The following TSNARE1 variants were observed in gnomAD, a reference collection of about 807,000 sequenced individuals.
TSNARE1 encodes the protein t-SNARE domain-containing protein 1.
In TSNARE1, 49 loss-of-function variants were observed where a neutral mutation model predicts 62.0. The ratio of observed to expected loss-of-function variants is 0.79; its 90% CI spans 0.63 to 1.00. The LOEUF is 1.00. Among genes scored for constraint, TSNARE1 ranks in the 50% least tolerant of loss-of-function variants. The probability of loss-of-function intolerance (pLI) is 0.00; values close to 1 mark genes in which losing one functional copy is unlikely to be tolerated. For missense variants in TSNARE1, 755 were observed against 700.1 expected, an observed-to-expected ratio of 1.08 and a Z score of -0.88; for synonymous variants, 328 against 294.4, an observed-to-expected ratio of 1.11 and a Z score of -1.17.
intron 11 of TSNARE1, among the ~76,000 whole-genome samples, chr8:142,280,921 G>A (rs1272520969): frequency 7.2e-5 from 11 of 152,182 alleles, no homozygotes; most frequent in Middle Eastern, 3.2e-3. Context: ...GCAGCTTGAA[G>A]CCCAGGCTCC....
chr8:142,320,216 G>A (rs1829275383), intron 6 of TSNARE1, among the ~76,000 whole-genome samples: 1 of 152,188 alleles, frequency 6.6e-6, no homozygotes, highest in South Asian at 2.1e-4. Context: ...TTCAGATCTT[G>A]CCAGTCCAAA....
At chr8:142,313,084 C>A (rs960597166) in intron 9 of TSNARE1, among the ~76,000 whole-genome samples, 3 of 151,708 alleles carry the variant, frequency 2.0e-5, no homozygotes, top group African/African-American at 7.3e-5. Context: ...CTGTGTTTAT[C>A]TGCATCTCTT....
At chr8:142,318,377 C>G (rs1172908065) in intron 7 of TSNARE1, among the ~76,000 whole-genome samples, 167 bp downstream of exon 7, 1 of 152,224 alleles carries the variant, frequency 6.6e-6, no homozygotes, top group Admixed American at 6.5e-5. Flanking sequence ...TGGCTGCACA[C>G]AGGTTCTGAG....
intron 11 of TSNARE1, among the ~76,000 whole-genome samples, chr8:142,283,222 A>G (rs71516683): frequency 0.3 from 27,713 of 91,320 alleles, 4,152 homozygotes; most frequent in African/African-American, 0.44. Context: ...CAAAAGCGGG[A>G]TCAGTGTCTG....
chr8:142,234,074 C>T (rs1481404841), intron 12 of TSNARE1, among the ~76,000 whole-genome samples: 1 of 152,184 alleles, frequency 6.6e-6, no homozygotes, highest in African/African-American at 2.4e-5. Context: ...AACAAGTGAC[C>T]CCAATCATGG....
intron 12 of TSNARE1, chr8:142,247,676 T>C (rs1817953565): frequency 3.3e-5 from 5 of 152,262 alleles, no homozygotes; most frequent in African/African-American, 1.2e-4. Flanking sequence ...AGCTCTGACC[T>C]GCTCTGTTTC....
chr8:142,275,753 C>T (rs1039820616), intron 11 of TSNARE1: 81 of 985,324 alleles, frequency 8.2e-5, no homozygotes, highest in Non-Finnish European at 9.5e-5. Flanking sequence ...CCTGCAGTGC[C>T]TACCAGGGCA....
chr8:142,338,646 C>G (rs1412377178), intron 4 of TSNARE1, among the ~76,000 whole-genome samples: 2 of 152,258 alleles, frequency 1.3e-5, no homozygotes, highest in African/African-American at 4.8e-5. Context: ...TGCCACCAGG[C>G]ATGACACTGG....
At position 142,318,588 on chromosome 8, in the gene TSNARE1, T is replaced by C; in HGVS notation, c.940A>G (p.Ser314Gly). 1.2e-6 allele frequency: 2 copies of C among 1,613,714 alleles called. No individual in the cohort carries two copies. Among genetic ancestry groups the C allele is most frequent in the Non-Finnish European group, 8.5e-7 (1 of 1,179,976 alleles). Residue 314 changes from serine to glycine, a missense_variant, in exon 7 of 14, where the codon AGC (serine) becomes GGC (glycine). Ser to Gly is a moderately conservative substitution (Grantham distance 56, BLOSUM62 0). Coordinates refer to ENST00000524325, the MANE Select transcript of TSNARE1 (RefSeq NM_145003.5). ...ETNKTIAASASSVKQMAELLR... is the reference protein window; with the variant it reads ...ETNKTIAASAGSVKQMAELLR... Reference sequence around the variant, plus strand: ...AGCTCGGCCATCTGCTTCACGGAGCTGGCGCTGGCTGCAATGGTCTTGTTG... The same window carrying C: ...AGCTCGGCCATCTGCTTCACGGAGCCGGCGCTGGCTGCAATGGTCTTGTTG...
intron 9 of TSNARE1, among the ~76,000 whole-genome samples, chr8:142,305,083 G>A (rs1031111941): frequency 6.6e-6 from 1 of 152,222 alleles, no homozygotes; most frequent in Non-Finnish European, 1.5e-5. Context: ...ACAGGCGAGG[G>A]GGCTGGAGGA....
At chr8:142,257,721 G>A (rs1447241480) in intron 12 of TSNARE1, among the ~76,000 whole-genome samples, 4 of 152,042 alleles carry the variant, frequency 2.6e-5, no homozygotes. Context: ...CCAGGGGTGG[G>A]AGGCCTGGCC....
chr8:142,338,389 A>G (rs974254685), intron 4 of TSNARE1, among the ~76,000 whole-genome samples: 1 of 152,222 alleles, frequency 6.6e-6, no homozygotes. Flanking sequence ...TCCCCAGGGC[A>G]GGAGCTTGAG....
At chr8:142,365,641 G>C (rs1236278215) in intron 1 of TSNARE1, among the ~76,000 whole-genome samples, 18 of 137,744 alleles carry the variant, frequency 1.3e-4, no homozygotes, top group South Asian at 1.2e-3. Flanking sequence ...CACAGAGAGA[G>C]AGAGGGGAAC....
chr8:142,283,548 T>C (rs1586531708), intron 11 of TSNARE1, among the ~76,000 whole-genome samples: 1 of 125,738 alleles, frequency 8.0e-6, no homozygotes, highest in Non-Finnish European at 1.6e-5. Flanking sequence ...CCAGTGTCTG[T>C]CAATGAGCAG....
At chr8:142,342,220 G>A (rs1235705717) in intron 4 of TSNARE1, among the ~76,000 whole-genome samples, 1 of 152,262 alleles carries the variant, frequency 6.6e-6, no homozygotes, top group Non-Finnish European at 1.5e-5. Flanking sequence ...CCGGCAGCAA[G>A]GCCAAGTGAC....
At chr8:142,372,452 C>A (rs748956563) in intron 1 of TSNARE1, among the ~76,000 whole-genome samples, 19 of 152,314 alleles carry the variant, frequency 1.2e-4, no homozygotes, top group South Asian at 1.2e-3. Context: ...ACAGGATGGA[C>A]CCCCTCTTTA....
At chr8:142,271,358 C>T in intron 12 of TSNARE1, 2 of 1,202,364 alleles carry the variant, frequency 1.7e-6, no homozygotes, top group Middle Eastern at 3.3e-4. Context: ...CATGAGTGTG[C>T]TCTGCTGCTG....
At chr8:142,353,034 T>C (rs933057337) in intron 2 of TSNARE1, among the ~76,000 whole-genome samples, 1 of 152,022 alleles carries the variant, frequency 6.6e-6, no homozygotes, top group African/African-American at 2.4e-5. Context: ...CAGGCTTCCC[T>C]GGCCCATGGA....
intron 12 of TSNARE1, among the ~76,000 whole-genome samples, chr8:142,255,497 C>T (rs796845997): frequency 0.021 from 169 of 8,120 alleles, 6 homozygotes; most frequent in East Asian, 0.04. Flanking sequence ...ATCATCACCA[C>T]CACCACCACT....
Sources: gnomAD v4.1 joint callset for allele counts (sites outside exome capture counted in the v4.1 genomes callset) on GRCh38, gnomAD v4.1.1 for gene constraint, MANE v1.5 for transcripts, NCBI Gene and HGNC (gene_info 2026-07-23, HGNC 2026-07-21) for gene names.